PCMT1: variants seen among roughly 807,000 people sequenced by gnomAD.
PCMT1 encodes the protein protein-L-isoaspartate (D-aspartate) O-methyltransferase.
A neutral mutation model predicts 29.2 loss-of-function variants in PCMT1; 9 were observed. The observed-to-expected ratio is 0.31, with a 90% CI of 0.19 to 0.54. The LOEUF is 0.54. PCMT1 is among the 20% of genes least tolerant of loss of function. The probability of loss-of-function intolerance (pLI) is 0.95; values close to 1 mark genes in which losing one functional copy is unlikely to be tolerated. For missense variants in PCMT1, 184 were observed against 282.2 expected, an observed-to-expected ratio of 0.65 and a Z score of 2.49; for synonymous variants, 98 against 97.5, an observed-to-expected ratio of 1.00 and a Z score of -0.03.
intron 3 of PCMT1, 139 bp downstream of exon 3, chr6:149,773,308 C>A: frequency 1.5e-6 from 1 of 663,426 alleles, no homozygotes. Context: ...ACATCATTTT[C>A]TTTTTTGAAC....
At position 149,794,587 on chromosome 6, in the gene PCMT1, C is replaced by G. The variant is rs144742844; in HGVS notation, c.418+918C>G. 4.5e-3 allele frequency among the ~76,000 whole-genome samples: 689 copies of G among 152,208 alleles called. 2 individuals are homozygous for G. The highest frequency in any genetic ancestry group is 0.015 in the African/African-American group (641 of 41,534). ...AAGCTGAGATCGCACCACTGAACTA[C>G]AGTCTGGCGACAGAGCTAGAGTCCG... On this transcript the variant is annotated intron_variant, in intron 5 of 7. Transcript: ENST00000464889.
intron 3 of PCMT1, among the ~76,000 whole-genome samples, chr6:149,774,578 C>A (rs1260671795): frequency 6.7e-6 from 1 of 148,550 alleles, no homozygotes; most frequent in Non-Finnish European, 1.5e-5. Context: ...CGTTCTTGTG[C>A]CCAGGCTGGA....
intron 5 of PCMT1, chr6:149,795,247 T>C (rs1788552727): frequency 2.5e-6 from 1 of 398,462 alleles, no homozygotes; most frequent in African/African-American, 2.2e-5. Context: ...CCATGTTGCA[T>C]GAGAAAAAGA....
At chr6:149,769,661 T>C (rs1787229942) in intron 1 of PCMT1, among the ~76,000 whole-genome samples, 1 of 151,462 alleles carries the variant, frequency 6.6e-6, no homozygotes. Flanking sequence ...TGCAGTGGTA[T>C]GATCATACCT....
rs1243768089 is a variant in PCMT1, at chr6:149,763,004, A to G, written c.56-8158A>G. On this transcript the variant is annotated intron_variant, in intron 1 of 7. Transcript: ENST00000464889. The stretch of plus-strand genomic sequence containing the variant: ...TATATATCTATGATATATATGATAT[A>G]TATATCTATGATATATATGATATAT... Among the ~76,000 whole-genome samples, 4 of 63,932 alleles carry G rather than the reference A, an allele frequency of 6.3e-5. 1 individual carries two copies. Among genetic ancestry groups the G allele is most frequent in the Admixed American group, 5.3e-4 (2 of 3,754 alleles). The allele number at this position is 63,932 out of a possible 152,430, so 41.9% of individuals were successfully genotyped here.
At chr6:149,792,971 A>G (rs544503153) in intron 4 of PCMT1, among the ~76,000 whole-genome samples, 107 of 152,004 alleles carry the variant, frequency 7.0e-4, no homozygotes, top group African/African-American at 2.5e-3. Flanking sequence ...GACCAGCCTG[A>G]CCAACGTGGT....
chr6:149,803,840 G>A (rs1775928126), intron 7 of PCMT1, among the ~76,000 whole-genome samples: 1 of 150,756 alleles, frequency 6.6e-6, no homozygotes, highest in Non-Finnish European at 1.5e-5. Flanking sequence ...AGGCATTTTG[G>A]GAGGCTGAGG....
At chr6:149,806,895 C>T (rs893679391) in intron 7 of PCMT1, among the ~76,000 whole-genome samples, 1 of 151,994 alleles carries the variant, frequency 6.6e-6, no homozygotes, top group Non-Finnish European at 1.5e-5. Context: ...CTCAAACTTT[C>T]TTCAGGATTA....
intron 3 of PCMT1, among the ~76,000 whole-genome samples, chr6:149,786,890 A>G (rs1253629698): frequency 6.8e-6 from 1 of 146,976 alleles, no homozygotes; most frequent in East Asian, 2.1e-4. Context: ...GGCCGGGCAG[A>G]GGCTGCAATC....
chr6:149,773,019 A>G, intron 2 of PCMT1, 119 bp from the exon 3 acceptor site: 1 of 638,882 alleles, frequency 1.6e-6, no homozygotes, highest in Non-Finnish European at 2.4e-6. Flanking sequence ...TGTCTCAGAA[A>G]AAAAAAAAAA....
intron 3 of PCMT1, 80 bp from the exon 4 acceptor site, chr6:149,789,874 G>A: frequency 1.2e-6 from 1 of 831,416 alleles, no homozygotes. Flanking sequence ...TAGAAAAATT[G>A]GTAGAAAGTT....
At chr6:149,771,292 CAT>C in intron 2 of PCMT1, 26 bp downstream of exon 2, 2 of 1,308,354 alleles carry the variant, frequency 1.5e-6, no homozygotes, top group East Asian at 2.3e-5. Context: ...CTGAAAATAT[CAT>C]AGTTTTCATC....
intron 1 of PCMT1, among the ~76,000 whole-genome samples, chr6:149,761,188 C>CAT (rs1419263402): frequency 6.6e-6 from 1 of 151,058 alleles, no homozygotes; most frequent in African/African-American, 2.4e-5. Flanking sequence ...TACACACACA[C>CAT]ACACACATAA....
At chr6:149,779,697 C>T (rs1432913939) in intron 3 of PCMT1, among the ~76,000 whole-genome samples, 5 of 152,046 alleles carry the variant, frequency 3.3e-5, no homozygotes, top group Admixed American at 6.6e-5. Context: ...ATAATCCCAG[C>T]TACTCAGGAG....
At chr6:149,772,447 C>CT in intron 2 of PCMT1, 1 of 364,898 alleles carries the variant, frequency 2.7e-6, no homozygotes, top group South Asian at 2.1e-5. Flanking sequence ...TTTGCACAGA[C>CT]TTTGTATACC....
At chr6:149,769,425 C>T (rs985262039) in intron 1 of PCMT1, among the ~76,000 whole-genome samples, 4 of 149,126 alleles carry the variant, frequency 2.7e-5, no homozygotes, top group South Asian at 2.1e-4. Context: ...GCAGTTCTCC[C>T]GTCTCAGCCT....
At chr6:149,772,739 C>T (rs567202075) in intron 2 of PCMT1, 19 of 374,234 alleles carry the variant, frequency 5.1e-5, no homozygotes, top group African/African-American at 1.3e-4. Context: ...TTGTGAAAGC[C>T]GGGCGTGGTG....
At chr6:149,777,894 T>TC (rs911978581) in intron 3 of PCMT1, among the ~76,000 whole-genome samples, 1 of 145,114 alleles carries the variant, frequency 6.9e-6, no homozygotes, top group Non-Finnish European at 1.5e-5. Flanking sequence ...TTTTTTTTTT[T>TC]TCCACAAAGT....
intron 3 of PCMT1, among the ~76,000 whole-genome samples, chr6:149,784,969 C>T (rs1787961783): frequency 6.6e-6 from 1 of 152,032 alleles, no homozygotes; most frequent in African/African-American, 2.4e-5. Flanking sequence ...AGTTAATTCG[C>T]TTAAATCAGT....
Sources: gnomAD v4.1 joint callset for allele counts (sites outside exome capture counted in the v4.1 genomes callset) on GRCh38, gnomAD v4.1.1 for gene constraint, MANE v1.5 for transcripts, NCBI Gene and HGNC (gene_info 2026-07-23, HGNC 2026-07-21) for gene names.